Variants in CAMK1D observed in about 807,000 individuals in gnomAD.
The protein encoded by CAMK1D is calcium/calmodulin-dependent protein kinase type 1D.
A neutral mutation model predicts 47.7 loss-of-function variants in CAMK1D; 9 were observed. The ratio of observed to expected loss-of-function variants is 0.19; its 90% CI spans 0.11 to 0.33. The LOEUF (loss-of-function observed/expected upper bound fraction) is 0.33, where lower values mean the gene tolerates loss of function less well. Among genes scored for constraint, CAMK1D ranks in the 10% least tolerant of loss-of-function variants. The pLI is 1.00. For synonymous variants in CAMK1D, 184 were observed against 184.9 expected (o/e 0.99, Z 0.04); for missense variants, 291 against 488.7 (o/e 0.60, Z 3.81).
intron 1 of CAMK1D, among the ~76,000 whole-genome samples, chr10:12,363,664 GGTT>G (rs1311266657): frequency 5.8e-5 from 8 of 138,354 alleles, no homozygotes; most frequent in African/African-American, 1.6e-4. Flanking sequence ...TGTTTCCTAA[GGTT>G]TTTTTTTTTT....
intron 1 of CAMK1D, among the ~76,000 whole-genome samples, chr10:12,500,639 A>T (rs1834673270): frequency 6.6e-6 from 1 of 152,198 alleles, no homozygotes; most frequent in African/African-American, 2.4e-5. Flanking sequence ...GTGACCTTGG[A>T]CGAGTTGCTG....
chr10:12,745,635 T>C (rs1290433598), intron 3 of CAMK1D, among the ~76,000 whole-genome samples: 1 of 150,930 alleles, frequency 6.6e-6, no homozygotes, highest in Non-Finnish European at 1.5e-5. Context: ...GGAGTTTCGC[T>C]CTTGTTGCCC....
intron 1 of CAMK1D, among the ~76,000 whole-genome samples, chr10:12,359,165 T>G (rs1357000947): frequency 6.6e-6 from 1 of 152,144 alleles, no homozygotes; most frequent in African/African-American, 2.4e-5. Context: ...ATTTTACCAT[T>G]CTGAGCCTCA....
At chr10:12,580,263 C>T (rs551208303) in intron 2 of CAMK1D, among the ~76,000 whole-genome samples, 2 of 151,576 alleles carry the variant, frequency 1.3e-5, no homozygotes, top group South Asian at 4.2e-4. Flanking sequence ...GTTTCACTAA[C>T]AGATGTTTAG....
chr10:12,540,619 G>A (rs1836135616), intron 1 of CAMK1D, among the ~76,000 whole-genome samples: 1 of 152,220 alleles, frequency 6.6e-6, no homozygotes, highest in Non-Finnish European at 1.5e-5. Flanking sequence ...ACCTAGACCT[G>A]CCCTGGTGGT....
At chr10:12,585,188 TG>T (rs767281416) in intron 2 of CAMK1D, among the ~76,000 whole-genome samples, 3 of 152,204 alleles carry the variant, frequency 2.0e-5, no homozygotes, top group Non-Finnish European at 2.9e-5. Flanking sequence ...AGATTGAAGC[TG>T]GTAGTTCCTG....
intron 1 of CAMK1D, among the ~76,000 whole-genome samples, chr10:12,449,935 T>A (rs966187631): frequency 6.6e-6 from 1 of 151,910 alleles, no homozygotes. Flanking sequence ...GAGGCAGAGG[T>A]TGCAGTGAGC....
At chr10:12,707,784 C>T (rs1214018610) in intron 3 of CAMK1D, among the ~76,000 whole-genome samples, 2 of 152,148 alleles carry the variant, frequency 1.3e-5, no homozygotes, top group African/African-American at 4.8e-5. Context: ...GCCTCGCATA[C>T]CTGCCTTTGA....
chr10:12,587,878 T>TA (rs1422237494), intron 2 of CAMK1D, among the ~76,000 whole-genome samples: 10 of 152,130 alleles, frequency 6.6e-5, no homozygotes, highest in African/African-American at 2.2e-4. Context: ...AATTAGGGAA[T>TA]GGCTGTGCTA....
intron 3 of CAMK1D, among the ~76,000 whole-genome samples, chr10:12,746,785 G>A (rs1055438508): frequency 6.6e-6 from 1 of 152,162 alleles, no homozygotes; most frequent in Non-Finnish European, 1.5e-5. Flanking sequence ...GCCACAGCTG[G>A]GGGCATCGCT....
At chr10:12,550,500 C>T (rs1003927218) in intron 1 of CAMK1D, among the ~76,000 whole-genome samples, 1 of 152,144 alleles carries the variant, frequency 6.6e-6, no homozygotes, top group African/African-American at 2.4e-5. Context: ...TGCGTGGGCT[C>T]AGGGGCCGTC....
chr10:12,716,211 G>A (rs942118117), intron 3 of CAMK1D, among the ~76,000 whole-genome samples: 2 of 152,070 alleles, frequency 1.3e-5, no homozygotes, highest in African/African-American at 4.8e-5. Flanking sequence ...CTCAGCCTTG[G>A]CGCTGTTGAC....
chr10:12,592,297 A>G (rs1229936618), intron 2 of CAMK1D, among the ~76,000 whole-genome samples: 2 of 152,218 alleles, frequency 1.3e-5, no homozygotes, highest in Non-Finnish European at 2.9e-5. Flanking sequence ...TCTTATTTTG[A>G]AGATGAGGAT....
intron 1 of CAMK1D, among the ~76,000 whole-genome samples, chr10:12,420,332 CT>C (rs1314882040): frequency 6.6e-6 from 1 of 152,182 alleles, no homozygotes; most frequent in African/African-American, 2.4e-5. Flanking sequence ...AGTAGTAGTC[CT>C]TTTCATATTA....
intron 3 of CAMK1D, among the ~76,000 whole-genome samples, chr10:12,690,009 T>A (rs191250427): frequency 6.6e-6 from 1 of 152,164 alleles, no homozygotes; most frequent in East Asian, 1.9e-4. Flanking sequence ...TGGCAAATAT[T>A]TATGTTGTTT....
At chr10:12,800,629 A>G (rs572656843) in intron 6 of CAMK1D, among the ~76,000 whole-genome samples, 21 of 152,304 alleles carry the variant, frequency 1.4e-4, no homozygotes, top group Middle Eastern at 3.4e-3. Flanking sequence ...ATATACATGG[A>G]GATTTGTTGC....
At chr10:12,521,624 G>A (rs1208030697) in intron 1 of CAMK1D, among the ~76,000 whole-genome samples, 11 of 152,098 alleles carry the variant, frequency 7.2e-5, no homozygotes, top group African/African-American at 2.7e-4. Flanking sequence ...GTATCATGCA[G>A]GACTTCTGTA....
intron 3 of CAMK1D, among the ~76,000 whole-genome samples, chr10:12,693,814 T>TTA: frequency 6.9e-6 from 1 of 144,846 alleles, no homozygotes; most frequent in Non-Finnish European, 1.5e-5. Context: ...GCTCAGGAAT[T>TTA]GGAGGCTACG....
At chr10:12,373,956 CAAAAAAAAAA>C (rs35008954) in intron 1 of CAMK1D, among the ~76,000 whole-genome samples, 1 of 86,128 alleles carries the variant, frequency 1.2e-5, no homozygotes, top group African/African-American at 4.7e-5. Flanking sequence ...CACTCTTTAT[CAAAAAAAAAA>C]AAAAAAAAAA....
Sources: allele counts gnomAD v4.1 joint callset (sites outside exome capture counted in the v4.1 genomes callset), GRCh38; gene constraint gnomAD v4.1.1; transcripts MANE v1.5; gene names NCBI Gene and HGNC (gene_info 2026-07-23, HGNC 2026-07-21).